Variants in XPA observed in about 807,000 individuals in gnomAD.
XPA encodes DNA repair protein complementing XP-A cells.
In XPA, 27 loss-of-function variants were observed where a neutral mutation model predicts 35.7. That is an observed-to-expected ratio of 0.76 (90% CI 0.56 to 1.04). The LOEUF (loss-of-function observed/expected upper bound fraction) is 1.04, where lower values mean the gene tolerates loss of function less well. Ranked by LOEUF, XPA falls within the 50% of genes least tolerant of loss-of-function variation. The pLI, the probability that XPA is intolerant of heterozygous loss-of-function variation, is 0.00. For missense variants in XPA, 354 were observed against 342.7 expected (o/e 1.03, Z -0.26); for synonymous variants, 133 against 118.4 (o/e 1.12, Z -0.80).
At chr9:97,697,030 C>T in intron 1 of XPA, 91 bp downstream of exon 1, 2 of 1,422,838 alleles carry the variant, frequency 1.4e-6, no homozygotes, top group Non-Finnish European at 1.8e-6. Flanking sequence ...GTTGACGCGA[C>T]CCCCGGGCCC....
At chr9:97,657,928 T>G in the XPA span, among the ~76,000 whole-genome samples, 4 of 63,226 alleles carry the variant, frequency 6.3e-5, no homozygotes, top group African/African-American at 2.2e-4. Flanking sequence ...ATATATATAT[T>G]TTTTTTTTTT....
the XPA span, chr9:97,664,291 G>T: frequency 9.2e-7 from 1 of 1,088,374 alleles, no homozygotes; most frequent in Non-Finnish European, 1.3e-6. Flanking sequence ...ACATATATAT[G>T]TGTGTGTATG....
At chr9:97,678,606 C>A (rs1828443434) in intron 5 of XPA, among the ~76,000 whole-genome samples, 1 of 152,138 alleles carries the variant, frequency 6.6e-6, no homozygotes, top group African/African-American at 2.4e-5. Flanking sequence ...CTGCCAATTG[C>A]TTAAATGCAG....
At chr9:97,658,512 T>G in the XPA span, 1 of 692,634 alleles carries the variant, frequency 1.4e-6, no homozygotes, top group African/African-American at 1.8e-5. Flanking sequence ...GATTTTTTTT[T>G]CCCTTTCACT....
chr9:97,671,233 G>T, downstream of XPA: 1 of 1,413,180 alleles, frequency 7.1e-7, no homozygotes, highest in South Asian at 1.2e-5. Flanking sequence ...GGTTTTTTTT[G>T]ATATCTTAAA....
At chr9:97,663,470 C>T in the XPA span, among the ~76,000 whole-genome samples, 9 of 151,856 alleles carry the variant, frequency 5.9e-5, no homozygotes, top group Admixed American at 2.6e-4. Flanking sequence ...TTTTTGAATA[C>T]GTATTAGTAC....
At chr9:97,664,778 G>A in the XPA span, among the ~76,000 whole-genome samples, 1 of 152,200 alleles carries the variant, frequency 6.6e-6, no homozygotes, top group Non-Finnish European at 1.5e-5. Context: ...AACTCGGGAA[G>A]GGTTCCAGCT....
At chr9:97,693,918 TAGTCTAACAGAGCAAGAAAACCAAA>T (rs1828966467) in intron 1 of XPA, among the ~76,000 whole-genome samples, 159 bp from the exon 2 acceptor site, 1 of 152,174 alleles carries the variant, frequency 6.6e-6, no homozygotes, top group Admixed American at 6.5e-5. Context: ...AGGTCCCAGC[TAGTCTAACAGAGCAAGAAAACCAAA>T]AAGGCATAAA....
the XPA span, among the ~76,000 whole-genome samples, chr9:97,661,814 G>C: frequency 1.3e-5 from 2 of 149,618 alleles, no homozygotes; most frequent in Non-Finnish European, 3.0e-5. Context: ...TCAAGGAATG[G>C]ATGATAGAAT....
chr9:97,669,631 C>T, the XPA span: 9 of 1,612,864 alleles, frequency 5.6e-6, no homozygotes, highest in East Asian at 6.7e-5. Context: ...TAGTACGATG[C>T]GAAACTGATG....
intron 1 of XPA, among the ~76,000 whole-genome samples, chr9:97,695,590 G>GC (rs1829018568): frequency 6.6e-6 from 1 of 152,330 alleles, no homozygotes; most frequent in Middle Eastern, 3.4e-3. Flanking sequence ...CCTAAACAAT[G>GC]CTAACTCATG....
Position 97,693,864 on chromosome 9 carries a change from A to G in XPA, c.173-105T>C, listed in dbSNP as rs1326336529. On this transcript the variant is annotated intron_variant, in intron 1 of 5. Transcript: ENST00000375128. ...TTGAATTCAATATATCTCAAACAAC[A>G]CAAGGATGTCCACAATCACTACTTC... The G allele has an allele frequency of 3.9e-6, 4 of 1,027,326 alleles. No homozygotes were observed. The East Asian group carries it at 1.0e-4, about 26-fold the overall frequency. The allele number at this position is 1,027,326 out of a possible 1,614,324, so 63.6% of individuals were successfully genotyped here.
intron 3 of XPA, among the ~76,000 whole-genome samples, chr9:97,688,996 G>A (rs1465127435): frequency 6.6e-6 from 1 of 152,054 alleles, no homozygotes. Flanking sequence ...AAGTGAGAAA[G>A]GTTATTCTGG....
chr9:97,658,545 A>G, the XPA span: 3 of 926,940 alleles, frequency 3.2e-6, no homozygotes, highest in Admixed American at 3.8e-5. Flanking sequence ...GCTGAGTTCA[A>G]GTTGTTGGAG....
Position 97,697,301 on chromosome 9 carries a change from C to G in XPA, c.-9G>C. On this transcript the variant is annotated 5_prime_UTR_variant, in exon 1 of 6. Transcript: ENST00000375128. Reference sequence around the variant, plus strand: ...CCGTCGGCCGCCGCCATCTCTGGCCCACTCCGAGGACCTAGCTCCCAGCTC... The same window carrying G: ...CCGTCGGCCGCCGCCATCTCTGGCCGACTCCGAGGACCTAGCTCCCAGCTC... 6.3e-7 allele frequency: 1 copy of G among 1,597,518 alleles called. No individual in the cohort carries two copies. The highest frequency in any genetic ancestry group is 8.5e-7 in the Non-Finnish European group (1 of 1,179,184).
the XPA span, chr9:97,661,028 T>C: frequency 1.2e-6 from 2 of 1,612,886 alleles, no homozygotes; most frequent in Non-Finnish European, 1.7e-6. Context: ...TCTTCAGCAT[T>C]CTGAAAGATG....
intron 3 of XPA, among the ~76,000 whole-genome samples, chr9:97,688,558 A>G (rs909415228): frequency 3.3e-5 from 5 of 152,214 alleles, no homozygotes; most frequent in Non-Finnish European, 7.3e-5. Flanking sequence ...TTCTCTTGGA[A>G]ATAAAATTCT....
Position 97,687,113 on chromosome 9 carries a change from G to C in XPA, c.538C>G (p.Leu180Val). 6.2e-7 allele frequency: 1 copy of C among 1,610,926 alleles called. No homozygotes were observed. The highest frequency in any genetic ancestry group is 1.1e-5 in the South Asian group (1 of 90,258). Residue 180 changes from leucine (L) to valine (V), a missense_variant, in exon 4 of 6, where the codon CTC (leucine) becomes GTC (valine). Transcript: ENST00000375128. ...PHHSQWGDMKLYLKLQIVKRS... is the reference protein window; with the variant it reads ...PHHSQWGDMKVYLKLQIVKRS... ...TTAGAGACCTGTAACTTTAAGTAGAGTTTCATATCACCCCATTGTGAATGA... is the reference window on the plus strand; with the variant it reads ...TTAGAGACCTGTAACTTTAAGTAGACTTTCATATCACCCCATTGTGAATGA...
chr9:97,693,206 C>T (rs939800621), intron 2 of XPA, among the ~76,000 whole-genome samples: 37 of 152,230 alleles, frequency 2.4e-4, no homozygotes, highest in African/African-American at 8.9e-4. Flanking sequence ...AAGCACTAAC[C>T]TTAGATCATA....
Sources: gnomAD v4.1 joint callset for allele counts (sites outside exome capture counted in the v4.1 genomes callset) on GRCh38, gnomAD v4.1.1 for gene constraint, MANE v1.5 for transcripts, NCBI Gene and HGNC (gene_info 2026-07-23, HGNC 2026-07-21) for gene names.